Variants in CFH observed in about 807,000 individuals in gnomAD.
CFH encodes complement factor H, also known as H factor 1 (complement).
CFH carries 53 observed loss-of-function variants against 147.3 expected under a neutral mutation model. That is an observed-to-expected ratio of 0.36 (90% CI 0.29 to 0.45). CFH has a LOEUF of 0.45. CFH is among the 20% of genes least tolerant of loss of function. The pLI is 1.00. For synonymous variants in CFH, 536 were observed against 489.4 expected, an observed-to-expected ratio of 1.10 and a Z score of -1.26; for missense variants, 1,380 against 1,498.0, an observed-to-expected ratio of 0.92 and a Z score of 1.30.
intron 4 of CFH, chr1:196,677,251 G>GT (rs1667487712): frequency 4.3e-6 from 2 of 468,940 alleles, no homozygotes; most frequent in South Asian, 5.7e-5. Flanking sequence ...ATTGAAAGTA[G>GT]TAATTTTCAT....
intron 1 of CFH, 118 bp downstream of exon 1, chr1:196,652,293 G>T: frequency 1.3e-6 from 1 of 752,306 alleles, no homozygotes; most frequent in South Asian, 1.6e-5. Flanking sequence ...TCTGTAACTT[G>T]ACAATTGAGT....
intron 9 of CFH, among the ~76,000 whole-genome samples, chr1:196,704,245 C>T (rs1176625245): frequency 6.6e-6 from 1 of 151,980 alleles, no homozygotes; most frequent in Non-Finnish European, 1.5e-5. Flanking sequence ...CAGGCGTGTG[C>T]CACCACAGCC....
intron 1 of CFH, among the ~76,000 whole-genome samples, chr1:196,661,082 C>G (rs760446299): frequency 2.0e-5 from 3 of 151,816 alleles, no homozygotes; most frequent in Non-Finnish European, 2.9e-5. Flanking sequence ...CGGAAGGGGC[C>G]GGGGATTGTG....
chr1:196,696,187 T>G (rs780499182), intron 9 of CFH, among the ~76,000 whole-genome samples: 11 of 152,084 alleles, frequency 7.2e-5, no homozygotes, highest in Non-Finnish European at 1.3e-4. Flanking sequence ...GCACTTATTC[T>G]AAGATCGACC....
chr1:196,728,485 C>T lies in CFH; in HGVS notation c.2376C>T (p.Cys792=), dbSNP rs1669202112. 5.6e-6 allele frequency: 9 copies of T among 1,612,836 alleles called. No individual in the cohort carries two copies. Among genetic ancestry groups the T allele is most frequent in the Non-Finnish European group, 5.9e-6 (7 of 1,179,148 alleles). ...RGKEGWIHTV[C]INGRWDPEVN... ...AAGAAGGATGGATACACACAGTCTG[C>T]ATAAATGGAAGATGGGATCCAGAAG... The change falls in exon 15 of 22, where the codon TGC becomes TGT. Residue 792 remains cysteine, a synonymous_variant. Transcript: ENST00000367429.
At chr1:196,653,936 G>T (rs916303444) in intron 1 of CFH, among the ~76,000 whole-genome samples, 3 of 152,004 alleles carry the variant, frequency 2.0e-5, no homozygotes, top group African/African-American at 7.2e-5. Flanking sequence ...TAATGCAAAA[G>T]CCAATGGAGA....
At position 196,673,930 on chromosome 1, in the gene CFH, T is replaced by C. The variant is rs1448752091; in HGVS notation, c.318T>C (p.Tyr106=). The change falls in exon 3 of 22, where the codon TAT becomes TAC. Residue 106 remains tyrosine (Y), a synonymous_variant. Transcript: ENST00000367429. ...FTLTGGNVFE[Y]GVKAVYTCNE... The stretch of plus-strand genomic sequence containing the variant: ...TTACAGGAGGAAATGTGTTTGAATA[T>C]GGTGTAAAAGCTGTGTATACATGTA... The C allele has an allele frequency of 6.2e-7, 1 of 1,613,354 alleles. No individual in the cohort carries two copies.
Position 196,673,927 on chromosome 1 carries a change from A to C in CFH, c.315A>C (p.Glu105Asp). 6.2e-7 allele frequency: 1 copy of C among 1,613,370 alleles called. No homozygotes were observed. Among genetic ancestry groups the C allele is most frequent in the African/African-American group, 1.3e-5 (1 of 75,020 alleles). ...TFTLTGGNVF[E>D]YGVKAVYTCN... ...CCCTTACAGGAGGAAATGTGTTTGA[A>C]TATGGTGTAAAAGCTGTGTATACAT... The change falls in exon 3 of 22, where the codon GAA becomes GAC. Residue 105 changes from glutamate to aspartate, a missense_variant. Transcript: ENST00000367429.
At chr1:196,682,595 G>A (rs1276743911) in intron 6 of CFH, among the ~76,000 whole-genome samples, 2 of 150,918 alleles carry the variant, frequency 1.3e-5, no homozygotes, top group East Asian at 3.9e-4. Flanking sequence ...TATATCATAA[G>A]GAAAAATAAT....
chr1:196,669,277 A>G (rs941329243), intron 1 of CFH, among the ~76,000 whole-genome samples: 1 of 152,182 alleles, frequency 6.6e-6, no homozygotes, highest in Non-Finnish European at 1.5e-5. Context: ...TAGAAATAAA[A>G]CCCGAATTTT....
At chr1:196,668,119 C>A (rs1667158582) in intron 1 of CFH, among the ~76,000 whole-genome samples, 1 of 151,928 alleles carries the variant, frequency 6.6e-6, no homozygotes, top group Non-Finnish European at 1.5e-5. Flanking sequence ...GTTTCAATAG[C>A]TTTTTTATTT....
chr1:196,702,726 G>T (rs1668490961), intron 9 of CFH, among the ~76,000 whole-genome samples: 1 of 152,108 alleles, frequency 6.6e-6, no homozygotes, highest in Non-Finnish European at 1.5e-5. Context: ...AAGGGCAGCT[G>T]CTCAGATTGC....
rs1573087364 is a variant in CFH, at chr1:196,747,233, C to T, written c.3616C>T (p.Arg1206Cys). The T allele has an allele frequency of 3.1e-6, 5 of 1,613,764 alleles. No individual in the cohort carries two copies. Among genetic ancestry groups the T allele is most frequent in the Non-Finnish European group, 4.2e-6 (5 of 1,179,898 alleles). The change falls in exon 22 of 22, where the codon CGT becomes TGT. Residue 1206 changes from arginine (R) to cysteine (C), a missense_variant. By Grantham distance (180) the Arg-to-Cys change is radical. This residue lies in a region of CFH where 123 missense variants were observed against 185.3 expected (regional missense o/e 0.66). Coordinates refer to ENST00000367429, the MANE Select transcript of CFH (RefSeq NM_000186.4). Reference protein sequence around the residue: ...SVEFVCKRGYRLSSRSHTLRT... With the variant: ...SVEFVCKRGYCLSSRSHTLRT... ...TGAATTTGTGTGTAAACGGGGATAT[C>T]GTCTTTCATCACGTTCTCACACATT...
intron 1 of CFH, 38 bp downstream of exon 1, chr1:196,652,213 A>C: frequency 6.8e-7 from 1 of 1,473,424 alleles, no homozygotes; most frequent in Non-Finnish European, 9.5e-7. Context: ...AAACTGTATT[A>C]TGAAACATTT....
chr1:196,730,702 G>A (rs1258760869), intron 15 of CFH, among the ~76,000 whole-genome samples: 3 of 151,688 alleles, frequency 2.0e-5, no homozygotes, highest in Non-Finnish European at 3.0e-5. Context: ...TTACTGTGTT[G>A]CAGTCCACAT....
At chr1:196,720,182 C>A (rs203671) in intron 11 of CFH, among the ~76,000 whole-genome samples, 3 of 151,656 alleles carry the variant, frequency 2.0e-5, no homozygotes, top group African/African-American at 7.3e-5. Flanking sequence ...AGATATTATA[C>A]CATCATTATT....
At chr1:196,725,024 G>C in intron 11 of CFH, 97 bp from the exon 12 acceptor site, 1 of 982,084 alleles carries the variant, frequency 1.0e-6, no homozygotes, top group Admixed American at 2.0e-5. Context: ...CCCTCTGTAT[G>C]ACCCAATATC....
chr1:196,684,004 G>A (rs1329684393), intron 6 of CFH, among the ~76,000 whole-genome samples: 1 of 151,788 alleles, frequency 6.6e-6, no homozygotes, highest in Non-Finnish European at 1.5e-5. Flanking sequence ...CAATAGAAGT[G>A]GTCATATAGT....
chr1:196,658,904 T>A (rs1666810080), intron 1 of CFH, among the ~76,000 whole-genome samples: 1 of 152,140 alleles, frequency 6.6e-6, no homozygotes, highest in South Asian at 2.1e-4. Context: ...TAAAGCCAAA[T>A]GAATTAAAGC....
Sources: gnomAD v4.1 joint callset for allele counts (sites outside exome capture counted in the v4.1 genomes callset) on GRCh38, gnomAD v4.1.1 for gene constraint, gnomAD v4.1.1 regional missense constraint, MANE v1.5 for transcripts, NCBI Gene and HGNC (gene_info 2026-07-23, HGNC 2026-07-21) for gene names.